Variants in PLCL1 observed in about 807,000 individuals in gnomAD.
PLCL1 encodes inactive phospholipase C-like protein 1.
PLCL1 carries 41 observed loss-of-function variants against 84.4 expected under a neutral mutation model. The observed-to-expected ratio is 0.49, with a 90% CI of 0.38 to 0.63. The LOEUF (loss-of-function observed/expected upper bound fraction) is 0.63. Ranked by LOEUF, PLCL1 falls within the 30% of genes least tolerant of loss-of-function variation. The pLI is 0.00. For synonymous variants in PLCL1, 490 were observed against 488.3 expected, an observed-to-expected ratio of 1.00 and a Z score of -0.05; for missense variants, 1,206 against 1,367.8, an observed-to-expected ratio of 0.88 and a Z score of 1.87.
chr2:197,973,920 A>G (rs1347209945), intron 1 of PLCL1, among the ~76,000 whole-genome samples: 1 of 152,240 alleles, frequency 6.6e-6, no homozygotes, highest in Non-Finnish European at 1.5e-5. Context: ...GTGGAGGAGT[A>G]GAGAGAATAG....
In PLCL1 at chr2:198,080,214, A is replaced by G. The variant is rs1692677175; in HGVS notation, c.241-3544A>G. ...AGTGCCAAAAGTACCCATCTTCCCAATACATACACAACATAAAATTTACCA... is the reference window on the plus strand; with the variant it reads ...AGTGCCAAAAGTACCCATCTTCCCAGTACATACACAACATAAAATTTACCA... On this transcript the variant is annotated intron_variant, in intron 1 of 5. Coordinates refer to ENST00000428675, the MANE Select transcript of PLCL1 (RefSeq NM_006226.4). 1.3e-5 allele frequency among the ~76,000 whole-genome samples: 2 copies of G among 152,250 alleles called. 1 individual carries two copies. The highest frequency in any genetic ancestry group is 4.1e-4 in the South Asian group (2 of 4,836).
chr2:198,046,563 C>T (rs1205806123), intron 1 of PLCL1, among the ~76,000 whole-genome samples: 2 of 152,202 alleles, frequency 1.3e-5, no homozygotes, highest in African/African-American at 4.8e-5. Context: ...CCTTTTCAGG[C>T]TCAGTGGCTC....
intron 1 of PLCL1, among the ~76,000 whole-genome samples, chr2:197,879,801 A>G (rs1329495359): frequency 2.0e-5 from 3 of 152,108 alleles, no homozygotes; most frequent in Non-Finnish European, 2.9e-5. Flanking sequence ...GCTAGCCTTT[A>G]TCTTTCTGCC....
intron 1 of PLCL1, among the ~76,000 whole-genome samples, chr2:198,081,611 C>T (rs2053394): frequency 0.19 from 28,192 of 152,118 alleles, 2,649 homozygotes; most frequent in East Asian, 0.26. Context: ...GCTAAGTTGT[C>T]AAATGCCAGG....
chr2:198,141,968 C>T lies in PLCL1; in HGVS notation c.3106-4812C>T, dbSNP rs552398113. Among the ~76,000 whole-genome samples the T allele has an allele frequency of 6.0e-4, 91 of 152,302 alleles. 1 individual carries two copies. In the South Asian group the frequency reaches 0.011, roughly 19 times the overall value. ...TTGTGGTGTGCTCTGAAACAACCCA[C>T]TCATTTCCTTTACACTTGATGAGAA... On this transcript the variant is annotated intron_variant, in intron 5 of 5. Coordinates refer to ENST00000428675, the MANE Select transcript of PLCL1 (RefSeq NM_006226.4).
chr2:198,085,245 G>C lies in PLCL1; in HGVS notation c.1728G>C (p.Gln576His), dbSNP rs1692839452. ...RRMSVDYNGEQKQIRLCRELS... is the reference protein window; with the variant it reads ...RRMSVDYNGEHKQIRLCRELS... ...TGTCGGTAGATTACAATGGTGAGCA[G>C]AAGCAAATCCGACTCTGTAGGGAGC... The change falls in exon 2 of 6, where the codon CAG becomes CAC. Residue 576 changes from glutamine to histidine, a missense_variant. Physicochemically the swap from Gln to His is conservative, Grantham distance 24 (BLOSUM62 0). Transcript: ENST00000428675. This position sits in a 1 kb window ranked among gnomAD's most constrained non-coding sequence, Gnocchi z 5.3. 6.2e-7 allele frequency: 1 copy of C among 1,613,938 alleles called. No homozygotes were observed. The highest frequency in any genetic ancestry group is 8.5e-7 in the Non-Finnish European group (1 of 1,179,960).
intron 1 of PLCL1, among the ~76,000 whole-genome samples, chr2:197,912,794 TGGGGTGG>T (rs377661674): frequency 0.63 from 36,423 of 57,602 alleles, 11,438 homozygotes; most frequent in African/African-American, 0.84. Flanking sequence ...GGGACCGTGG[TGGGGTGG>T]GGGGTGGGGG....
At chr2:197,975,978 C>T (rs1193098483) in intron 1 of PLCL1, among the ~76,000 whole-genome samples, 1 of 152,198 alleles carries the variant, frequency 6.6e-6, no homozygotes, top group Non-Finnish European at 1.5e-5. Flanking sequence ...CTTCCTAGTA[C>T]ACTCTAGGAT....
chr2:197,981,381 A>G (rs1393046755), intron 1 of PLCL1, among the ~76,000 whole-genome samples: 1 of 152,242 alleles, frequency 6.6e-6, no homozygotes, highest in Non-Finnish European at 1.5e-5. Context: ...GCAAAATCAT[A>G]AAGATATACC....
chr2:198,002,580 A>T (rs184948799), intron 1 of PLCL1, among the ~76,000 whole-genome samples: 26 of 152,314 alleles, frequency 1.7e-4, no homozygotes, highest in African/African-American at 5.8e-4. Flanking sequence ...ATGTTCTTAG[A>T]TTGCATGGAA....
chr2:198,146,282 A>C (rs1190990696), intron 5 of PLCL1, among the ~76,000 whole-genome samples: 1 of 152,114 alleles, frequency 6.6e-6, no homozygotes, highest in Non-Finnish European at 1.5e-5. Flanking sequence ...GTATATTAAA[A>C]ACCAGCTCAC....
intron 1 of PLCL1, among the ~76,000 whole-genome samples, chr2:197,991,523 C>T (rs765772793): frequency 1.3e-5 from 2 of 152,082 alleles, no homozygotes; most frequent in Non-Finnish European, 2.9e-5. Context: ...TTATTTTTGT[C>T]ACCCACTTTT....
At chr2:197,858,098 T>C (rs76454272) in intron 1 of PLCL1, among the ~76,000 whole-genome samples, 2,256 of 152,244 alleles carry the variant, frequency 0.015, 63 homozygotes, top group African/African-American at 0.052. Flanking sequence ...GTAGAGGTGT[T>C]TTCAATTGAT....
intron 1 of PLCL1, among the ~76,000 whole-genome samples, chr2:197,806,777 C>G (rs971808451): frequency 2.0e-5 from 3 of 151,880 alleles, no homozygotes; most frequent in Admixed American, 6.6e-5. Flanking sequence ...ACATGGTGTC[C>G]TGTGTGTGTA....
chr2:197,912,997 T>C (rs1688518396), intron 1 of PLCL1, among the ~76,000 whole-genome samples: 1 of 152,104 alleles, frequency 6.6e-6, no homozygotes, highest in Non-Finnish European at 1.5e-5. Context: ...CTTTCTCTTA[T>C]GCTGGATCTT....
At chr2:198,028,309 AT>A (rs57539509) in intron 1 of PLCL1, among the ~76,000 whole-genome samples, 7 of 151,652 alleles carry the variant, frequency 4.6e-5, no homozygotes, top group African/African-American at 9.7e-5. Context: ...TCTTATTAGG[AT>A]TTTTTTTTAA....
chr2:197,973,271 G>A (rs1251249018), intron 1 of PLCL1, among the ~76,000 whole-genome samples: 1 of 152,134 alleles, frequency 6.6e-6, no homozygotes, highest in Non-Finnish European at 1.5e-5. Context: ...CTTTCCTTAT[G>A]GGCTTGGGAG....
intron 1 of PLCL1, among the ~76,000 whole-genome samples, chr2:197,814,661 AAGGT>A (rs1389641567): frequency 1.3e-5 from 2 of 152,194 alleles, no homozygotes; most frequent in Non-Finnish European, 2.9e-5. Flanking sequence ...GATAGGCTGA[AAGGT>A]AGGCCTTTTT....
intron 5 of PLCL1, among the ~76,000 whole-genome samples, chr2:198,115,160 G>A (rs1693713646): frequency 6.6e-6 from 1 of 151,834 alleles, no homozygotes; most frequent in Non-Finnish European, 1.5e-5. Context: ...TTGGTAAGAG[G>A]CGATTAAGGA....
Sources: allele counts gnomAD v4.1 joint callset (sites outside exome capture counted in the v4.1 genomes callset), GRCh38; gene constraint gnomAD v4.1.1; non-coding constraint Gnocchi (gnomAD v3.1); transcripts MANE v1.5; gene names NCBI Gene and HGNC (gene_info 2026-07-23, HGNC 2026-07-21).